DKK2: variants seen among roughly 807,000 people sequenced by gnomAD.
The protein encoded by DKK2 is dickkopf Wnt signaling pathway inhibitor 2, also known as dickkopf-related protein 2.
DKK2 carries 11 observed loss-of-function variants against 28.1 expected under a neutral mutation model. The ratio of observed to expected loss-of-function variants is 0.39; its 90% confidence interval spans 0.25 to 0.65. The LOEUF is 0.65. Among genes scored for constraint, DKK2 ranks in the 30% least tolerant of loss-of-function variants. The pLI is 0.47. For synonymous variants in DKK2, 135 were observed against 126.5 expected, an observed-to-expected ratio of 1.07 and a Z score of -0.45; for missense variants, 326 against 335.5, an observed-to-expected ratio of 0.97 and a Z score of 0.22.
rs1057011902 is a variant in DKK2, at chr4:106,965,701, C to T, written c.223-39752G>A. 2.0e-5 allele frequency among the ~76,000 whole-genome samples: 3 copies of T among 147,840 alleles called. No homozygotes were observed. In the Admixed American group the frequency reaches 2.0e-4, roughly 10 times the overall value. On this transcript the variant is annotated intron_variant, in intron 1 of 3. Coordinates refer to ENST00000285311, the MANE Select transcript of DKK2 (RefSeq NM_014421.3). Reference sequence around the variant, plus strand: ...TGCTGGTGCGCTGCACCCACTAACTCGTCATCTAGCATTAGGTATATCTCC... The same window carrying T: ...TGCTGGTGCGCTGCACCCACTAACTTGTCATCTAGCATTAGGTATATCTCC...
intron 1 of DKK2, among the ~76,000 whole-genome samples, chr4:106,964,482 T>C (rs1205488023): frequency 6.6e-6 from 1 of 152,140 alleles, no homozygotes; most frequent in East Asian, 1.9e-4. Flanking sequence ...TAATTTATTG[T>C]ATTTTTCAAA....
chr4:107,003,715 A>G (rs570121382), intron 1 of DKK2, among the ~76,000 whole-genome samples: 1 of 152,258 alleles, frequency 6.6e-6, no homozygotes, highest in East Asian at 1.9e-4. Flanking sequence ...CGGCAGCAAC[A>G]TATCATCAGT....
At chr4:106,996,973 GA>G (rs894359398) in intron 1 of DKK2, among the ~76,000 whole-genome samples, 2 of 151,610 alleles carry the variant, frequency 1.3e-5, no homozygotes, top group African/African-American at 4.8e-5. Flanking sequence ...AAAGTAGAAA[GA>G]AAAAAAGCAA....
intron 1 of DKK2, among the ~76,000 whole-genome samples, chr4:106,977,621 C>G (rs534951478): frequency 6.6e-6 from 1 of 152,124 alleles, no homozygotes; most frequent in South Asian, 2.1e-4. Flanking sequence ...ACTGGTTACT[C>G]TAGTTAGCAA....
At chr4:106,942,553 C>T (rs1242199997) in intron 1 of DKK2, among the ~76,000 whole-genome samples, 1 of 151,914 alleles carries the variant, frequency 6.6e-6, no homozygotes, top group Non-Finnish European at 1.5e-5. Flanking sequence ...AGATATGGGG[C>T]TTCAAAAAGT....
intron 1 of DKK2, among the ~76,000 whole-genome samples, chr4:106,996,003 T>G (rs1483190173): frequency 6.6e-6 from 1 of 152,190 alleles, no homozygotes; most frequent in Non-Finnish European, 1.5e-5. Context: ...TATTTGAATA[T>G]TTGTCTCAGA....
chr4:107,005,683 C>T (rs1311942221), intron 1 of DKK2, among the ~76,000 whole-genome samples: 2 of 152,160 alleles, frequency 1.3e-5, no homozygotes, highest in Non-Finnish European at 2.9e-5. Flanking sequence ...TAGGGATAGT[C>T]TCAAAGATGT....
intron 1 of DKK2, among the ~76,000 whole-genome samples, chr4:106,966,961 A>G (rs377042455): frequency 6.0e-4 from 91 of 152,254 alleles, no homozygotes; most frequent in African/African-American, 2.1e-3. Context: ...AACCATATCA[A>G]TTTCCTTCAT....
chr4:106,928,843 C>T (rs1724461090), intron 1 of DKK2, among the ~76,000 whole-genome samples: 1 of 152,102 alleles, frequency 6.6e-6, no homozygotes, highest in African/African-American at 2.4e-5. Flanking sequence ...GAGGGTTCTG[C>T]AGTTGCCAGT....
intron 1 of DKK2, among the ~76,000 whole-genome samples, chr4:106,947,122 C>A (rs1033031383): frequency 1.3e-5 from 2 of 152,128 alleles, no homozygotes; most frequent in Non-Finnish European, 2.9e-5. Flanking sequence ...AGGGACCACA[C>A]AGGAACTCCA....
At chr4:106,999,956 T>A (rs954928253) in intron 1 of DKK2, among the ~76,000 whole-genome samples, 1 of 152,100 alleles carries the variant, frequency 6.6e-6, no homozygotes, top group African/African-American at 2.4e-5. Context: ...CAAAAATGCA[T>A]AAATGTGATA....
chr4:106,924,952 T>C (rs1724405263), intron 2 of DKK2, among the ~76,000 whole-genome samples: 1 of 152,174 alleles, frequency 6.6e-6, no homozygotes, highest in Non-Finnish European at 1.5e-5. Flanking sequence ...AAAAGCATAA[T>C]TTTATATAGT....
chr4:106,925,653 C>A, intron 2 of DKK2, 146 bp downstream of exon 2: 1 of 1,018,048 alleles, frequency 9.8e-7, no homozygotes, highest in Non-Finnish European at 1.4e-6. Context: ...GGGAGGTAAT[C>A]CAGGTAATCT....
intron 1 of DKK2, among the ~76,000 whole-genome samples, chr4:106,998,357 A>G (rs1578372887): frequency 6.6e-6 from 1 of 152,096 alleles, no homozygotes; most frequent in African/African-American, 2.4e-5. Flanking sequence ...ATGTTTCCAC[A>G]TTTCTCTATC....
At chr4:106,948,078 G>C (rs1341956258) in intron 1 of DKK2, among the ~76,000 whole-genome samples, 1 of 152,172 alleles carries the variant, frequency 6.6e-6, no homozygotes, top group Non-Finnish European at 1.5e-5. Context: ...TCAGCAGTTT[G>C]AGTGGGCATT....
intron 1 of DKK2, among the ~76,000 whole-genome samples, chr4:107,034,182 C>T (rs1723925225): frequency 6.6e-6 from 1 of 152,180 alleles, no homozygotes; most frequent in Admixed American, 6.5e-5. Context: ...GCCCTCTCAA[C>T]CAACCTTCAG....
intron 1 of DKK2, among the ~76,000 whole-genome samples, chr4:106,930,853 G>A (rs563080438): frequency 6.6e-6 from 1 of 152,236 alleles, no homozygotes; most frequent in South Asian, 2.1e-4. Flanking sequence ...GAATATATCT[G>A]GGGTCTCTGA....
At chr4:107,030,206 T>C (rs1222200474) in intron 1 of DKK2, among the ~76,000 whole-genome samples, 3 of 152,116 alleles carry the variant, frequency 2.0e-5, no homozygotes, top group Non-Finnish European at 4.4e-5. Context: ...CTGTATCGAC[T>C]GACTTCTTTG....
At chr4:107,033,720 T>G (rs1296581460) in intron 1 of DKK2, among the ~76,000 whole-genome samples, 1 of 152,160 alleles carries the variant, frequency 6.6e-6, no homozygotes, top group Non-Finnish European at 1.5e-5. Flanking sequence ...TTTCTTCAAC[T>G]GGGAACATGA....
Sources: allele counts gnomAD v4.1 joint callset (sites outside exome capture counted in the v4.1 genomes callset), GRCh38; gene constraint gnomAD v4.1.1; transcripts MANE v1.5; gene names NCBI Gene and HGNC (gene_info 2026-07-23, HGNC 2026-07-21).